The following NRXN2 variants were observed in gnomAD, a reference collection of about 807,000 sequenced individuals.
NRXN2 encodes the protein neurexin-2-beta.
A neutral mutation model predicts 128.8 loss-of-function variants in NRXN2; 29 were observed. That is an observed-to-expected ratio of 0.23 (90% CI 0.17 to 0.31). The LOEUF (loss-of-function observed/expected upper bound fraction) is 0.31. NRXN2 is among the 10% of genes least tolerant of loss of function. The pLI, the probability that NRXN2 is intolerant of heterozygous loss-of-function variation, is 1.00. For missense variants in NRXN2, 1,881 were observed against 2,452.6 expected, an observed-to-expected ratio of 0.77 and a Z score of 4.92; for synonymous variants, 1,098 against 1,075.2, an observed-to-expected ratio of 1.02 and a Z score of -0.41.
intron 17 of NRXN2, among the ~76,000 whole-genome samples, chr11:64,638,686 C>A (rs1275790734): frequency 1.3e-5 from 2 of 152,136 alleles, no homozygotes; most frequent in Non-Finnish European, 2.9e-5. Context: ...GTGGTGTAGA[C>A]CAATTGTTTT....
In NRXN2 at chr11:64,635,330, C is replaced by T. The variant is rs1452822833; in HGVS notation, c.3526G>A (p.Ala1176Thr). 2 of 1,613,532 alleles carry T rather than the reference C, an allele frequency of 1.2e-6. No homozygotes were observed. Among genetic ancestry groups the T allele is most frequent in the Non-Finnish European group, 1.7e-6 (2 of 1,180,020 alleles). The change falls in exon 18 of 23, where the codon GCT becomes ACT. Residue 1176 changes from alanine to threonine, a missense_variant. Physicochemically the swap from Ala to Thr is moderately conservative, Grantham distance 58. This residue lies in a region of NRXN2 where 390 missense variants were observed against 599.6 expected (regional missense o/e 0.65). Coordinates refer to ENST00000265459, the MANE Select transcript of NRXN2 (RefSeq NM_015080.4). The surrounding 1 kb of genome is among the most constrained non-coding windows in gnomAD (Gnocchi z 4.8). Reference sequence around the variant, plus strand: ...GCGCTGTCCACCCGCACCAGCACAGCGCTCCGCTGGTGGGTGCTGAAGCCC... The same window carrying T: ...GCGCTGTCCACCCGCACCAGCACAGTGCTCCGCTGGTGGGTGCTGAAGCCC... ...AVGFSTHQRS[A>T]VLVRVDSASG...
chr11:64,671,742 C>T (rs2077634900), intron 7 of NRXN2, among the ~76,000 whole-genome samples: 2 of 151,922 alleles, frequency 1.3e-5, no homozygotes, highest in Admixed American at 1.3e-4. Flanking sequence ...GAGCTTCCTT[C>T]CGATGATGGG....
rs2047048943 is a variant in NRXN2, at chr11:64,648,626, G to A, written c.3283+108C>T. The A allele has an allele frequency of 2.0e-6, 3 of 1,464,838 alleles. No individual in the cohort carries two copies. The highest frequency in any genetic ancestry group is 2.8e-5 in the African/African-American group (2 of 71,860). The allele number at this position is 1,464,838 out of a possible 1,614,324, so 90.7% of individuals were successfully genotyped here. Reference sequence around the variant, plus strand: ...GGGGGCAAGCTCCCATAAGGCCTGAGAAGGAAGGCCCCTTGGCAGAGCAAA... The same window carrying A: ...GGGGGCAAGCTCCCATAAGGCCTGAAAAGGAAGGCCCCTTGGCAGAGCAAA... On this transcript the variant is annotated intron_variant, in intron 16 of 22. Coordinates refer to ENST00000265459, the MANE Select transcript of NRXN2 (RefSeq NM_015080.4). The surrounding 1 kb of genome is among the most constrained non-coding windows in gnomAD (Gnocchi z 4.1).
At chr11:64,699,425 C>T (rs116891628) in intron 2 of NRXN2, among the ~76,000 whole-genome samples, 227 of 92,044 alleles carry the variant, frequency 2.5e-3, no homozygotes, top group South Asian at 3.1e-3. Context: ...TAATAGTTTT[C>T]TTTTTTTTTT....
rs2043886136 is a variant in NRXN2 at position 64,631,411 on chromosome 11, C to T, written c.3586-838G>A. ...CTGGGACCCAGGCCCACGGGACACTCTGCAGAGGCAACCCAGGATCAGCCC... is the reference window on the plus strand; with the variant it reads ...CTGGGACCCAGGCCCACGGGACACTTTGCAGAGGCAACCCAGGATCAGCCC... On this transcript the variant is annotated intron_variant, in intron 18 of 22. Coordinates refer to ENST00000265459, the MANE Select transcript of NRXN2 (RefSeq NM_015080.4). The surrounding 1 kb of genome is among the most constrained non-coding windows in gnomAD (Gnocchi z 4.8). 6.6e-6 allele frequency among the ~76,000 whole-genome samples: 1 copy of T among 152,126 alleles called. No individual in the cohort carries two copies. Among genetic ancestry groups the T allele is most frequent in the Non-Finnish European group, 1.5e-5 (1 of 68,008 alleles).
At chr11:64,701,953 G>C (rs1406281170) in intron 2 of NRXN2, among the ~76,000 whole-genome samples, 6 of 145,480 alleles carry the variant, frequency 4.1e-5, no homozygotes, top group African/African-American at 7.7e-5. Context: ...GGAGGGAGGT[G>C]GGGGGGTCAG....
At chr11:64,650,181 T>C (rs1225689702) in intron 15 of NRXN2, among the ~76,000 whole-genome samples, 1 of 152,038 alleles carries the variant, frequency 6.6e-6, no homozygotes, top group Admixed American at 6.6e-5. Flanking sequence ...CTGGGTTACC[T>C]ACTCCTAGCT....
chr11:64,709,083 T>C (rs2056633137), intron 2 of NRXN2, among the ~76,000 whole-genome samples: 1 of 150,302 alleles, frequency 6.7e-6, no homozygotes, highest in Non-Finnish European at 1.5e-5. Flanking sequence ...TCCCAGCTAC[T>C]CAGGAGGCTG....
At chr11:64,656,279 T>C (rs537890194) in intron 11 of NRXN2, among the ~76,000 whole-genome samples, 19 of 152,284 alleles carry the variant, frequency 1.2e-4, no homozygotes, top group African/African-American at 4.3e-4. Flanking sequence ...TACCCTCCCA[T>C]GGCCCCAGGG....
chr11:64,653,293 G>A lies in NRXN2; in HGVS notation c.2416+403C>T, dbSNP rs797020198. ...CTTCCCCCTTGTGGCCAATTCTGGA[G>A]ATGCAGCAGCGTATTCCAGCCCCTC... On this transcript the variant is annotated intron_variant, in intron 12 of 22. Coordinates refer to ENST00000265459, the MANE Select transcript of NRXN2 (RefSeq NM_015080.4). Among the ~76,000 whole-genome samples the A allele has an allele frequency of 5.9e-5, 9 of 152,080 alleles. No individual in the cohort carries two copies. In the South Asian group the frequency reaches 1.9e-3, roughly 32 times the overall value.
chr11:64,635,317 C>T lies in NRXN2; in HGVS notation c.3539G>A (p.Arg1180Gln), dbSNP rs763626243. ...STHQRSAVLV[R>Q]VDSASGLGDY... Reference sequence around the variant, plus strand: ...TCCAAGGCCGGAGGCGCTGTCCACCCGCACCAGCACAGCGCTCCGCTGGTG... The same window carrying T: ...TCCAAGGCCGGAGGCGCTGTCCACCTGCACCAGCACAGCGCTCCGCTGGTG... The change falls in exon 18 of 23, where the codon CGG becomes CAG. Residue 1180 changes from arginine (R) to glutamine (Q), a missense_variant. Physicochemically the swap from Arg to Gln is conservative, Grantham distance 43. This residue lies in a region of NRXN2 where 390 missense variants were observed against 599.6 expected (regional missense o/e 0.65). Transcript: ENST00000265459. This position sits in a 1 kb window ranked among gnomAD's most constrained non-coding sequence, Gnocchi z 4.8. 1.2e-6 allele frequency: 2 copies of T among 1,613,484 alleles called. No individual in the cohort carries two copies. Among genetic ancestry groups the T allele is most frequent in the Admixed American group, 1.7e-5 (1 of 60,024 alleles).
rs2043931899 is a variant in NRXN2 at position 64,631,693 on chromosome 11, C to T, written c.3586-1120G>A. On this transcript the variant is annotated intron_variant, in intron 18 of 22. Coordinates refer to ENST00000265459, the MANE Select transcript of NRXN2 (RefSeq NM_015080.4). This position sits in a 1 kb window ranked among gnomAD's most constrained non-coding sequence, Gnocchi z 4.8. ...CTAGTCTGACTTCAAAGCCAGTGTT[C>T]TCTCCCTTTGCCCACCAGTCTAGGA... Among the ~76,000 whole-genome samples the T allele has an allele frequency of 6.6e-6, 1 of 152,130 alleles. No homozygotes were observed.
chr11:64,631,498 G>A lies in NRXN2; in HGVS notation c.3586-925C>T, dbSNP rs1320918265. Among the ~76,000 whole-genome samples the A allele has an allele frequency of 1.3e-5, 2 of 152,002 alleles. No individual in the cohort carries two copies. Among genetic ancestry groups the A allele is most frequent in the Non-Finnish European group, 2.9e-5 (2 of 68,002 alleles). ...AGGGCTTCACCAAACCCTAAATCATGCCAGGCCCTGAGTGGGTACTGTACA... is the reference window on the plus strand; with the variant it reads ...AGGGCTTCACCAAACCCTAAATCATACCAGGCCCTGAGTGGGTACTGTACA... On this transcript the variant is annotated intron_variant, in intron 18 of 22. Coordinates refer to ENST00000265459, the MANE Select transcript of NRXN2 (RefSeq NM_015080.4). This position sits in a 1 kb window ranked among gnomAD's most constrained non-coding sequence, Gnocchi z 4.8.
chr11:64,640,976 G>C (rs951270279), intron 17 of NRXN2, among the ~76,000 whole-genome samples: 3 of 152,088 alleles, frequency 2.0e-5, no homozygotes, highest in African/African-American at 7.2e-5. Flanking sequence ...TAAAGAATAA[G>C]AGGGGATGGA....
In NRXN2 at chr11:64,713,244, C is replaced by G; in HGVS notation, c.456G>C (p.Val152=). 6.9e-7 allele frequency: 1 copy of G among 1,458,234 alleles called. No homozygotes were observed. Among genetic ancestry groups the G allele is most frequent in the Non-Finnish European group, 9.0e-7 (1 of 1,108,306 alleles). 90.3% of individuals were successfully genotyped at this position (1,458,234 alleles called of 1,614,324 possible). ...REMQVASDLF[V]GGIPPDVRLS... is the part of the protein sequence containing the mutation. ...GGCGCACGTCGGGCGGGATGCCGCC[C>G]ACGAACAGGTCGCTGGCCACCTGCA... The change falls in exon 2 of 23, where the codon GTG becomes GTC. Residue 152 remains valine, a synonymous_variant. Transcript: ENST00000265459.
chr11:64,616,729 G>A (rs1042576918), intron 22 of NRXN2, among the ~76,000 whole-genome samples: 4 of 152,144 alleles, frequency 2.6e-5, no homozygotes, highest in African/African-American at 9.7e-5. Context: ...CATTCAGCAT[G>A]GGTGTCAGTA....
intron 6 of NRXN2, among the ~76,000 whole-genome samples, chr11:64,681,902 A>C (rs1216108928): frequency 6.6e-6 from 1 of 152,182 alleles, no homozygotes; most frequent in African/African-American, 2.4e-5. Flanking sequence ...GAAGGAGAGG[A>C]AAGGAATCTA....
At chr11:64,650,053 G>A (rs1013843831) in intron 15 of NRXN2, among the ~76,000 whole-genome samples, 9 of 151,996 alleles carry the variant, frequency 5.9e-5, no homozygotes, top group East Asian at 1.9e-4. Flanking sequence ...CTCCTGCTAC[G>A]TCCTCTGCCC....
rs886405930 is a variant in NRXN2 at position 64,622,542 on chromosome 11, C to T, written c.4173+211G>A. On this transcript the variant is annotated intron_variant, in intron 21 of 22. Transcript: ENST00000265459. This position sits in a 1 kb window ranked among gnomAD's most constrained non-coding sequence, Gnocchi z 4.3. ...CCTCTAGAAATAGTGGTCACCCCCACATCACAAGATCCCTGGTCATTAGGG... is the reference window on the plus strand; with the variant it reads ...CCTCTAGAAATAGTGGTCACCCCCATATCACAAGATCCCTGGTCATTAGGG... 6.6e-6 allele frequency among the ~76,000 whole-genome samples: 1 copy of T among 152,242 alleles called. No homozygotes were observed. The highest frequency in any genetic ancestry group is 2.4e-5 in the African/African-American group (1 of 41,456).
Sources: gnomAD v4.1 joint callset for allele counts (sites outside exome capture counted in the v4.1 genomes callset) on GRCh38, gnomAD v4.1.1 for gene constraint, gnomAD v4.1.1 regional missense constraint, Gnocchi (gnomAD v3.1) non-coding constraint, MANE v1.5 for transcripts, NCBI Gene and HGNC (gene_info 2026-07-23, HGNC 2026-07-21) for gene names.